Variants in GASK1A observed in about 807,000 individuals in gnomAD.
GASK1A encodes the protein Golgi-associated kinase 1A.
GASK1A carries 40 observed loss-of-function variants against 41.2 expected under a neutral mutation model. The observed-to-expected ratio is 0.97, with a 90% confidence interval of 0.75 to 1.27. The LOEUF (loss-of-function observed/expected upper bound fraction) is 1.27, where lower values mean the gene tolerates loss of function less well. GASK1A is among the 50% of genes most tolerant of loss of function. The pLI, the probability that GASK1A is intolerant of heterozygous loss-of-function variation, is 0.00. For missense variants in GASK1A, 678 were observed against 745.1 expected (o/e 0.91, Z 1.05); for synonymous variants, 316 against 307.1 (o/e 1.03, Z -0.30).
At chr3:42,989,004 C>T (rs753260835) in intron 1 of GASK1A, among the ~76,000 whole-genome samples, 1 of 152,198 alleles carries the variant, frequency 6.6e-6, no homozygotes, top group Non-Finnish European at 1.5e-5. Flanking sequence ...AACTGTAGTG[C>T]TGTTAAATGC....
At chr3:43,009,472 C>G (rs530190108) in intron 1 of GASK1A, among the ~76,000 whole-genome samples, 2 of 152,186 alleles carry the variant, frequency 1.3e-5, no homozygotes, top group Non-Finnish European at 2.9e-5. Flanking sequence ...CCTGAAGTCC[C>G]CAGGGCCAGA....
At chr3:43,001,716 G>A (rs1349047983) in intron 1 of GASK1A, among the ~76,000 whole-genome samples, 1 of 152,192 alleles carries the variant, frequency 6.6e-6, no homozygotes, top group African/African-American at 2.4e-5. Context: ...AGGTGAAGGT[G>A]GGGATAGGTG....
intron 1 of GASK1A, among the ~76,000 whole-genome samples, chr3:43,015,871 T>G (rs879707069): frequency 1.4e-5 from 2 of 140,006 alleles, no homozygotes; most frequent in Non-Finnish European, 3.1e-5. Flanking sequence ...CACTGTGAAG[T>G]CACAGGAAGA....
In GASK1A at chr3:42,997,445, G is replaced by GT. The variant is rs1559397773; in HGVS notation, c.3+17800_3+17801insT. ...GAGAGAGAGACAGAGAGAGGGGGGG[G>GT]GGATCTGGGATCCTTAGAAATGGGG... On this transcript the variant is annotated intron_variant, in intron 1 of 4. Transcript: ENST00000430121. 2.6e-5 allele frequency among the ~76,000 whole-genome samples: 4 copies of GT among 151,538 alleles called. No individual in the cohort carries two copies. The East Asian group carries it at 7.8e-4, about 29-fold the overall frequency.
chr3:43,000,168 T>C (rs149888953), intron 1 of GASK1A, among the ~76,000 whole-genome samples: 1 of 152,354 alleles, frequency 6.6e-6, no homozygotes, highest in Non-Finnish European at 1.5e-5. Flanking sequence ...CCACGTGTTC[T>C]TACCCATCAT....
At chr3:42,997,296 C>G (rs1481666826) in intron 1 of GASK1A, among the ~76,000 whole-genome samples, 1 of 152,180 alleles carries the variant, frequency 6.6e-6, no homozygotes, top group Non-Finnish European at 1.5e-5. Context: ...AGAAGGCCCT[C>G]AATAAGTCTT....
At chr3:43,043,457 G>A (rs1296193878) in intron 2 of GASK1A, among the ~76,000 whole-genome samples, 1 of 152,186 alleles carries the variant, frequency 6.6e-6, no homozygotes, top group Non-Finnish European at 1.5e-5. Flanking sequence ...CCTTCATGCT[G>A]GCAACCAGTC....
chr3:42,979,698 C>T, intron 1 of GASK1A, 53 bp downstream of exon 1: 1 of 1,244,506 alleles, frequency 8.0e-7, no homozygotes. Flanking sequence ...ATCACCAGGA[C>T]AGGTGGCTGC....
At chr3:43,026,937 C>T (rs1232271154) in intron 1 of GASK1A, among the ~76,000 whole-genome samples, 1 of 152,130 alleles carries the variant, frequency 6.6e-6, no homozygotes, top group Non-Finnish European at 1.5e-5. Context: ...GAAAAGCTGA[C>T]CCGAAACAGT....
At chr3:43,055,724 AC>A in intron 4 of GASK1A, 189 bp downstream of exon 4, 1 of 578,228 alleles carries the variant, frequency 1.7e-6, no homozygotes, top group Non-Finnish European at 3.1e-6. Flanking sequence ...GGCAGGGCCT[AC>A]CCCAATATCC....
In GASK1A at chr3:43,057,620, C is replaced by T. The variant is rs577124761; in HGVS notation, c.*1234C>T. On this transcript the variant is annotated 3_prime_UTR_variant, in exon 5 of 5. Coordinates refer to ENST00000430121, the MANE Select transcript of GASK1A (RefSeq NM_001129908.3). ...GTCTTTTTGTTTTAAGATGTTTGCC[C>T]TTTGCTTGTTAATTTGTTGGAAATC... The T allele has an allele frequency of 1.3e-5, 2 of 152,114 alleles. No homozygotes were observed. Among genetic ancestry groups the T allele is most frequent in the African/African-American group, 4.8e-5 (2 of 41,518 alleles). The allele number at this position is 152,114 out of a possible 1,614,324, so 9.4% of individuals were successfully genotyped here.
chr3:43,024,468 T>C (rs899630561), intron 1 of GASK1A, among the ~76,000 whole-genome samples: 2 of 152,228 alleles, frequency 1.3e-5, no homozygotes, highest in Admixed American at 6.5e-5. Context: ...ATGGCAATTA[T>C]TTTTGTGTCT....
At chr3:42,992,950 T>A (rs181482363) in intron 1 of GASK1A, among the ~76,000 whole-genome samples, 1 of 152,348 alleles carries the variant, frequency 6.6e-6, no homozygotes, top group Admixed American at 6.5e-5. Flanking sequence ...GCTTGGCGTT[T>A]GCCTTATTTG....
Position 43,053,866 on chromosome 3 carries a change from G to A in GASK1A, c.1413+223G>A, listed in dbSNP as rs530672240. On this transcript the variant is annotated intron_variant, in intron 3 of 4. Transcript: ENST00000430121. ...ATGTGCCTGAGGAGGGGTGTGGGGTGGGGGCTGGAGCCTTGTTTTCACTGT... is the reference window on the plus strand; with the variant it reads ...ATGTGCCTGAGGAGGGGTGTGGGGTAGGGGCTGGAGCCTTGTTTTCACTGT... The A allele has an allele frequency of 2.3e-4, 152 of 650,874 alleles. 1 individual carries two copies. The highest frequency in any genetic ancestry group is 2.1e-3 in the South Asian group (132 of 63,846). 40.3% of individuals were successfully genotyped at this position (650,874 alleles called of 1,614,324 possible).
At chr3:43,049,986 G>T (rs2089680987) in intron 2 of GASK1A, among the ~76,000 whole-genome samples, 1 of 146,566 alleles carries the variant, frequency 6.8e-6, no homozygotes. Context: ...CTGCCCATCA[G>T]TATAGATTAT....
At chr3:43,026,449 G>A (rs1043005956) in intron 1 of GASK1A, among the ~76,000 whole-genome samples, 8 of 152,158 alleles carry the variant, frequency 5.3e-5, no homozygotes, top group African/African-American at 1.9e-4. Context: ...ACAGATGAGG[G>A]CTGGCCACCT....
At chr3:43,004,441 T>C (rs1349254339) in intron 1 of GASK1A, among the ~76,000 whole-genome samples, 2 of 152,208 alleles carry the variant, frequency 1.3e-5, no homozygotes, top group African/African-American at 4.8e-5. Context: ...AAACATAAAC[T>C]AGCTTATGAG....
intron 1 of GASK1A, among the ~76,000 whole-genome samples, chr3:43,024,746 G>A (rs1276588065): frequency 6.6e-6 from 1 of 152,158 alleles, no homozygotes; most frequent in African/African-American, 2.4e-5. Flanking sequence ...CACGTGCCAG[G>A]CACTGTGATA....
chr3:42,983,257 A>G (rs1231698806), intron 1 of GASK1A, among the ~76,000 whole-genome samples: 1 of 152,118 alleles, frequency 6.6e-6, no homozygotes, highest in East Asian at 1.9e-4. Context: ...GGAGTCATGG[A>G]GGTGAAAATA....
Sources: allele counts gnomAD v4.1 joint callset (sites outside exome capture counted in the v4.1 genomes callset), GRCh38; gene constraint gnomAD v4.1.1; transcripts MANE v1.5; gene names NCBI Gene and HGNC (gene_info 2026-07-23, HGNC 2026-07-21).